Variants in VSTM5 observed in about 807,000 individuals in gnomAD.
VSTM5 encodes V-set and transmembrane domain-containing protein 5.
In VSTM5, 21 loss-of-function variants were observed where a neutral mutation model predicts 20.3. The ratio of observed to expected loss-of-function variants is 1.03; its 90% CI spans 0.73 to 1.49. VSTM5 has a LOEUF of 1.49. Among genes scored for constraint, VSTM5 ranks in the 40% most tolerant of loss-of-function variants. The probability of loss-of-function intolerance (pLI) is 0.00; values close to 1 mark genes in which losing one functional copy is unlikely to be tolerated. For synonymous variants in VSTM5, 100 were observed against 102.5 expected, an observed-to-expected ratio of 0.98 and a Z score of 0.14; for missense variants, 219 against 250.0, an observed-to-expected ratio of 0.88 and a Z score of 0.84.
rs558445976 is a variant in VSTM5, at chr11:93,843,023, G to A, written c.91+7389C>T. Among the ~76,000 whole-genome samples the A allele has an allele frequency of 7.2e-5, 11 of 152,028 alleles. No individual in the cohort carries two copies. The South Asian group carries it at 1.9e-3, about 26-fold the overall frequency. ...GGAGAATCACTTGATCCTGGGAGGC[G>A]GAGGTTGCAGTCAGCTGAGATCACG... On this transcript the variant is annotated intron_variant, in intron 1 of 3. Coordinates refer to ENST00000409977, the MANE Select transcript of VSTM5 (RefSeq NM_001144871.2).
intron 1 of VSTM5, among the ~76,000 whole-genome samples, chr11:93,838,283 G>T (rs1944339956): frequency 6.6e-6 from 1 of 152,040 alleles, no homozygotes; most frequent in Non-Finnish European, 1.5e-5. Context: ...GACCAGCCTG[G>T]CCAATGTGGT....
Position 93,820,508 on chromosome 11 carries a change from G to T in VSTM5, c.*61C>A. On this transcript the variant is annotated 3_prime_UTR_variant, in exon 4 of 4. Coordinates refer to ENST00000409977, the MANE Select transcript of VSTM5 (RefSeq NM_001144871.2). The stretch of plus-strand genomic sequence containing the variant: ...CACAATGGGTATAATAGCTGTGCTT[G>T]CTCTTTTTGTTGGAGAATGGTTTCC... 1.3e-6 allele frequency: 2 copies of T among 1,534,164 alleles called. No individual in the cohort carries two copies. The highest frequency in any genetic ancestry group is 1.2e-5 in the South Asian group (1 of 83,306).
chr11:93,831,421 T>C (rs1944283747), intron 1 of VSTM5, among the ~76,000 whole-genome samples: 1 of 152,200 alleles, frequency 6.6e-6, no homozygotes, highest in Non-Finnish European at 1.5e-5. Flanking sequence ...ATGAGGTCAA[T>C]ACAGCACCTC....
intron 1 of VSTM5, 59 bp downstream of exon 1, chr11:93,850,353 C>T (rs1458098797): frequency 6.9e-7 from 1 of 1,450,400 alleles, no homozygotes; most frequent in Non-Finnish European, 9.3e-7. Flanking sequence ...CGGGGCCCCG[C>T]CCGTGCCCCC....
intron 1 of VSTM5, among the ~76,000 whole-genome samples, chr11:93,826,039 G>T (rs1239566917): frequency 6.6e-6 from 1 of 151,994 alleles, no homozygotes; most frequent in Non-Finnish European, 1.5e-5. Flanking sequence ...AGGAGTTCAA[G>T]ACCAGCCTGG....
chr11:93,828,004 C>G (rs1382796118), intron 1 of VSTM5, among the ~76,000 whole-genome samples: 1 of 151,954 alleles, frequency 6.6e-6, no homozygotes, highest in Non-Finnish European at 1.5e-5. Flanking sequence ...TCCATGTAAG[C>G]CATTTATATA....
intron 1 of VSTM5, among the ~76,000 whole-genome samples, chr11:93,846,766 ATTTTTTT>A (rs143745842): frequency 1.1e-5 from 1 of 94,650 alleles, no homozygotes; most frequent in African/African-American, 4.6e-5. Flanking sequence ...ATTTTTTTTA[ATTTTTTT>A]TTTTTTTTTT....
rs549287281 is a variant in VSTM5 at position 93,834,639 on chromosome 11, C to T, written c.92-13316G>A. On this transcript the variant is annotated intron_variant, in intron 1 of 3. Coordinates refer to ENST00000409977, the MANE Select transcript of VSTM5 (RefSeq NM_001144871.2). Reference sequence around the variant, plus strand: ...TCTACAAAAAAATACAAAAATTAGCCGGATGTGATGATGTGCACCTGTAGT... The same window carrying T: ...TCTACAAAAAAATACAAAAATTAGCTGGATGTGATGATGTGCACCTGTAGT... Among the ~76,000 whole-genome samples the T allele has an allele frequency of 1.6e-4, 24 of 151,776 alleles. No individual in the cohort carries two copies. The South Asian group carries it at 3.3e-3, about 21-fold the overall frequency.
intron 1 of VSTM5, among the ~76,000 whole-genome samples, chr11:93,835,717 T>C (rs1944317754): frequency 1.3e-5 from 2 of 152,210 alleles, no homozygotes; most frequent in African/African-American, 2.4e-5. Flanking sequence ...ACCTGCCAGT[T>C]GACAGGCACT....
intron 1 of VSTM5, among the ~76,000 whole-genome samples, chr11:93,843,155 C>G (rs1370712821): frequency 6.6e-6 from 1 of 152,038 alleles, no homozygotes; most frequent in African/African-American, 2.4e-5. Flanking sequence ...AAATTCTCCT[C>G]CAGAAAAACT....
intron 1 of VSTM5, among the ~76,000 whole-genome samples, chr11:93,848,277 TTA>T (rs2135741946): frequency 6.6e-6 from 1 of 152,334 alleles, no homozygotes; most frequent in South Asian, 2.1e-4. Context: ...CTCTTCATCA[TTA>T]TGACTGGCTC....
chr11:93,822,249 CTT>C (rs1407082340), intron 1 of VSTM5, among the ~76,000 whole-genome samples: 2 of 151,764 alleles, frequency 1.3e-5, no homozygotes, highest in Admixed American at 1.3e-4. Context: ...ACCTGGCTAA[CTT>C]TTTGTATTTT....
In VSTM5 at chr11:93,824,265, A is replaced by G. The variant is rs556842371; in HGVS notation, c.92-2942T>C. Among the ~76,000 whole-genome samples, 344 of 152,222 alleles carry G rather than the reference A, an allele frequency of 2.3e-3. 2 individuals carry two copies. The highest frequency in any genetic ancestry group is 7.9e-3 in the African/African-American group (328 of 41,550). ...TCCATACTTTTTTCATAATAGCTATATCAATTTACATTCCCACCGACATTG... is the reference window on the plus strand; with the variant it reads ...TCCATACTTTTTTCATAATAGCTATGTCAATTTACATTCCCACCGACATTG... On this transcript the variant is annotated intron_variant, in intron 1 of 3. Transcript: ENST00000409977.
intron 1 of VSTM5, among the ~76,000 whole-genome samples, chr11:93,826,172 C>G (rs568523029): frequency 1.3e-5 from 2 of 152,000 alleles, no homozygotes; most frequent in Non-Finnish European, 1.5e-5. Flanking sequence ...CCCAGGAGTT[C>G]CAGGCTGCAG....
chr11:93,842,958 G>A (rs1481033068), intron 1 of VSTM5, among the ~76,000 whole-genome samples: 1 of 152,064 alleles, frequency 6.6e-6, no homozygotes, highest in Non-Finnish European at 1.5e-5. Flanking sequence ...GGGTGTGGTG[G>A]TGCACACCTG....
intron 1 of VSTM5, among the ~76,000 whole-genome samples, chr11:93,829,807 A>T (rs1944267184): frequency 6.6e-6 from 1 of 152,202 alleles, no homozygotes; most frequent in African/African-American, 2.4e-5. Context: ...AGCTGGGGAC[A>T]GGCTCATCGG....
chr11:93,821,293 G>C lies in VSTM5; in HGVS notation c.122C>G (p.Ala41Gly), dbSNP rs1341861592. ...TTCTTTGACAGTGGCATTGATGGTGGCCTGAGGAATGTATAGGGACACACC... is the reference window on the plus strand; with the variant it reads ...TTCTTTGACAGTGGCATTGATGGTGCCCTGAGGAATGTATAGGGACACACC... ...SQGVSLYIPQ[A>G]TINATVKEDI... The change falls in exon 2 of 4, where the codon GCC becomes GGC. Residue 41 changes from alanine to glycine, a missense_variant. Ala to Gly is a moderately conservative substitution (Grantham distance 60, BLOSUM62 0). Transcript: ENST00000409977. The C allele has an allele frequency of 1.3e-6, 2 of 1,551,616 alleles. No individual in the cohort carries two copies. Among genetic ancestry groups the C allele is most frequent in the Non-Finnish European group, 1.7e-6 (2 of 1,147,004 alleles).
At chr11:93,823,544 T>C (rs1039355565) in intron 1 of VSTM5, among the ~76,000 whole-genome samples, 13 of 152,224 alleles carry the variant, frequency 8.5e-5, no homozygotes, top group Admixed American at 1.3e-4. Context: ...TCTTCCCCAC[T>C]GGCCCCAGCC....
intron 1 of VSTM5, 68 bp downstream of exon 1, chr11:93,850,344 G>T: frequency 7.1e-7 from 1 of 1,409,372 alleles, no homozygotes; most frequent in Non-Finnish European, 9.6e-7. Context: ...GCTAGACCCC[G>T]GGGCCCCGCC....
Sources: gnomAD v4.1 joint callset for allele counts (sites outside exome capture counted in the v4.1 genomes callset) on GRCh38, gnomAD v4.1.1 for gene constraint, MANE v1.5 for transcripts, NCBI Gene and HGNC (gene_info 2026-07-23, HGNC 2026-07-21) for gene names.